HLTF: variants seen among roughly 807,000 people sequenced by gnomAD.
The protein encoded by HLTF is helicase like transcription factor.
In HLTF, 127 loss-of-function variants were observed where a neutral mutation model predicts 129.4. That is an observed-to-expected ratio of 0.98 (90% CI 0.85 to 1.14). The LOEUF (loss-of-function observed/expected upper bound fraction) is 1.14. HLTF is among the 50% of genes most tolerant of loss of function. The pLI is 0.00. For missense variants in HLTF, 1,139 were observed against 1,187.1 expected, an observed-to-expected ratio of 0.96 and a Z score of 0.60; for synonymous variants, 332 against 388.8, an observed-to-expected ratio of 0.85 and a Z score of 1.72.
At chr3:149,081,455 A>G (rs1372711957) in intron 2 of HLTF, among the ~76,000 whole-genome samples, 1 of 152,106 alleles carries the variant, frequency 6.6e-6, no homozygotes, top group Non-Finnish European at 1.5e-5. Context: ...ATGAAAAGAA[A>G]ATAAATCTAA....
intron 18 of HLTF, among the ~76,000 whole-genome samples, chr3:149,045,463 G>A (rs1423371934): frequency 1.3e-5 from 2 of 152,114 alleles, no homozygotes; most frequent in African/African-American, 2.4e-5. Flanking sequence ...GGGTATAAGT[G>A]CCTGGCACAC....
chr3:149,039,936 G>A, intron 21 of HLTF, 95 bp downstream of exon 21: 1 of 1,115,592 alleles, frequency 9.0e-7, no homozygotes, highest in Non-Finnish European at 1.2e-6. Flanking sequence ...TAAAATGACA[G>A]GAATGAAAGC....
Position 149,063,521 on chromosome 3 carries a change from G to T in HLTF, c.1070C>A (p.Ala357Glu). The T allele has an allele frequency of 6.3e-7, 1 of 1,582,736 alleles. No homozygotes were observed. The highest frequency in any genetic ancestry group is 1.1e-5 in the South Asian group (1 of 90,390). ...ACTGGGTTGTTCACTACATCTAGAT[G>T]CGTCTATTTCAAAGAAAAATGCAAA... ...SEKADGLSKD[A>E]SRCSEQPSIS... The change falls in exon 10 of 25, where the codon GCA becomes GAA. Residue 357 changes from alanine to glutamate, a missense_variant. Transcript: ENST00000310053.
chr3:149,060,649 C>T lies in HLTF; in HGVS notation c.1279G>A (p.Ala427Thr), dbSNP rs751841073. Residue 427 changes from alanine (A) to threonine (T), a missense_variant, in exon 12 of 25, where the codon GCG becomes ACG. Transcript: ENST00000310053. ...GTATATAGTATACACATACCTTTCG[C>T]CCTGCCTTTAGTTTCAGACTGTACA... ...KNVQSETKGR[A>T]KAGSSKVIED... 8 of 1,611,704 alleles carry T rather than the reference C, an allele frequency of 5.0e-6. No individual in the cohort carries two copies. The highest frequency in any genetic ancestry group is 6.8e-6 in the Non-Finnish European group (8 of 1,178,386).
chr3:149,064,994 A>G, intron 8 of HLTF, 128 bp from the exon 9 acceptor site: 1 of 491,478 alleles, frequency 2.0e-6, no homozygotes, highest in East Asian at 3.3e-5. Context: ...ATTCTGGAGC[A>G]ACTGAAGGGG....
Position 149,084,860 on chromosome 3 carries a change from A to T in HLTF, c.50T>A (p.Val17Asp). Reference protein sequence around the residue: ...RDPVWKYLQTVQYGVHGNFPR... With the variant: ...RDPVWKYLQTDQYGVHGNFPR... ...AAAATTTCCATGAACTCCATACTGG[A>T]CAGTCTGCAAGTACTTCCAAACTGG... Residue 17 changes from valine to aspartate, a missense_variant, in exon 2 of 25, where the codon GTC (valine) becomes GAC (aspartate). By Grantham distance (152) the Val-to-Asp change is radical (BLOSUM62 -3). Transcript: ENST00000310053. 1 of 1,614,050 alleles carries T rather than the reference A, an allele frequency of 6.2e-7. No individual in the cohort carries two copies. Among genetic ancestry groups the T allele is most frequent in the Admixed American group, 1.7e-5 (1 of 60,016 alleles).
At chr3:149,073,411 G>T (rs1384241475) in intron 4 of HLTF, 89 bp from the exon 5 acceptor site, 2 of 902,334 alleles carry the variant, frequency 2.2e-6, no homozygotes, top group Non-Finnish European at 3.5e-6. Context: ...TGCATTAACA[G>T]GGCTGGGTGC....
intron 17 of HLTF, among the ~76,000 whole-genome samples, chr3:149,046,968 C>T (rs540364177): frequency 6.6e-6 from 1 of 152,282 alleles, no homozygotes; most frequent in Non-Finnish European, 1.5e-5. Flanking sequence ...AGCTTTCTCA[C>T]TATAACTCAC....
At chr3:149,059,049 C>G (rs1385477576) in intron 13 of HLTF, among the ~76,000 whole-genome samples, 2 of 152,192 alleles carry the variant, frequency 1.3e-5, no homozygotes, top group Non-Finnish European at 2.9e-5. Context: ...CAAGCCCCTT[C>G]AGGTCAATCT....
At chr3:149,065,280 A>G (rs1249134543) in intron 8 of HLTF, among the ~76,000 whole-genome samples, 1 of 152,194 alleles carries the variant, frequency 6.6e-6, no homozygotes, top group African/African-American at 2.4e-5. Flanking sequence ...CTCTTTCTCT[A>G]GAATTTGCAG....
rs1395806647 is a variant in HLTF, at chr3:149,031,281, T to C, written c.*939A>G. ...CAATTGTTTACATTCAGGATTAAGA[T>C]GTCTTTAAGAGTTGAAACGACTTTG... On this transcript the variant is annotated 3_prime_UTR_variant, in exon 25 of 25. Transcript: ENST00000310053. 6 of 152,682 alleles carry C rather than the reference T, an allele frequency of 3.9e-5. No homozygotes were observed. The highest frequency in any genetic ancestry group is 8.8e-5 in the Non-Finnish European group (6 of 68,044). 9.5% of individuals were successfully genotyped at this position (152,682 alleles called of 1,614,324 possible).
rs552056080 is a variant in HLTF, at chr3:149,037,336, G to C, written c.2796+1713C>G. 2.0e-5 allele frequency among the ~76,000 whole-genome samples: 3 copies of C among 152,090 alleles called. No homozygotes were observed. In the East Asian group the frequency reaches 5.8e-4, roughly 29 times the overall value. On this transcript the variant is annotated intron_variant, in intron 23 of 24. Transcript: ENST00000310053. ...ATGCAAAAATTAGCCACGCGTGGTG[G>C]CAGGTGCCTGTAATCCCAGCTACTC...
Position 149,050,324 on chromosome 3 carries a change from A to C in HLTF, c.1525T>G (p.Tyr509Asp). Residue 509 changes from tyrosine to aspartate, a missense_variant, in exon 15 of 25, where the codon TAT (tyrosine) becomes GAT (aspartate). By Grantham distance (160) the Tyr-to-Asp change is radical. Transcript: ENST00000310053. ...KSDVHLNFYV[Y>D]YGPDRIREPA... The stretch of plus-strand genomic sequence containing the variant: ...TCTCTAATACGATCAGGACCATAAT[A>C]AACATAAAAATTCAAGTGTACATCT... 1.3e-6 allele frequency: 2 copies of C among 1,595,672 alleles called. No individual in the cohort carries two copies. Among genetic ancestry groups the C allele is most frequent in the Non-Finnish European group, 1.7e-6 (2 of 1,166,338 alleles).
chr3:149,070,471 ACTG>A (rs1335685639), intron 7 of HLTF, among the ~76,000 whole-genome samples: 2 of 152,240 alleles, frequency 1.3e-5, no homozygotes, highest in Non-Finnish European at 2.9e-5. Context: ...ATGAGTTTGT[ACTG>A]CTATCTTTAG....
rs755230904 is a variant in HLTF, at chr3:149,048,164, C to A, written c.1757-1G>T. The A allele has an allele frequency of 6.2e-7, 1 of 1,600,836 alleles. No homozygotes were observed. Among genetic ancestry groups the A allele is most frequent in the Non-Finnish European group, 8.5e-7 (1 of 1,175,406 alleles). ...TTTAAAGAATTCTGGATTGGAGTAC[C>A]TAGAAATAACAGGAAACTGTTATAA... On this transcript the variant is annotated splice_acceptor_variant, in intron 16 of 24. Coordinates refer to ENST00000310053, the MANE Select transcript of HLTF (RefSeq NM_003071.4). LOFTEE classifies it high-confidence loss of function.
chr3:149,086,323 A>G lies in HLTF; in HGVS notation c.14T>C (p.Phe5Ser). 1 of 1,602,204 alleles carries G rather than the reference A, an allele frequency of 6.2e-7. No homozygotes were observed. The highest frequency in any genetic ancestry group is 8.5e-7 in the Non-Finnish European group (1 of 1,174,160). The change falls in exon 1 of 25, where the codon TTC becomes TCC. Residue 5 changes from phenylalanine to serine, a missense_variant. Coordinates refer to ENST00000310053, the MANE Select transcript of HLTF (RefSeq NM_003071.4). ...CCCCCTCCGCCCCCTTCACCTCTTG[A>G]ACATCCAGGACATGGCGCTGAGTGG... MSWM[F>S]KRDPVWKYLQ...
intron 13 of HLTF, among the ~76,000 whole-genome samples, chr3:149,058,337 C>G (rs1365738921): frequency 2.0e-5 from 3 of 151,920 alleles, no homozygotes; most frequent in Non-Finnish European, 4.4e-5. Flanking sequence ...CAATTTCAGG[C>G]ATGTGCCACC....
At chr3:149,033,075 A>T (rs1715270102) in intron 24 of HLTF, among the ~76,000 whole-genome samples, 2 of 152,124 alleles carry the variant, frequency 1.3e-5, no homozygotes, top group Non-Finnish European at 2.9e-5. Flanking sequence ...TTCCTGATAA[A>T]AACTTGATTT....
chr3:149,048,558 G>A (rs1716736211), intron 16 of HLTF, among the ~76,000 whole-genome samples: 1 of 152,154 alleles, frequency 6.6e-6, no homozygotes, highest in Admixed American at 6.6e-5. Context: ...TTGAGGATGG[G>A]AAACAGAAAT....
Sources: allele counts gnomAD v4.1 joint callset (sites outside exome capture counted in the v4.1 genomes callset), GRCh38; gene constraint gnomAD v4.1.1; transcripts MANE v1.5; gene names NCBI Gene and HGNC (gene_info 2026-07-23, HGNC 2026-07-21).